Variants in SGCD observed in about 807,000 individuals in gnomAD.
SGCD encodes the protein delta-sarcoglycan.
SGCD carries 18 observed loss-of-function variants against 36.6 expected under a neutral mutation model. The ratio of observed to expected loss-of-function variants is 0.49; its 90% CI spans 0.34 to 0.73. The LOEUF (loss-of-function observed/expected upper bound fraction) is 0.73. Ranked by LOEUF, SGCD falls within the 30% of genes least tolerant of loss-of-function variation. The pLI, the probability that SGCD is intolerant of heterozygous loss-of-function variation, is 0.01. For missense variants in SGCD, 387 were observed against 346.7 expected (o/e 1.12, Z -0.92); for synonymous variants, 133 against 130.6 (o/e 1.02, Z -0.12).
chr5:156,338,762 C>T (rs1768491311), intron 2 of SGCD, among the ~76,000 whole-genome samples: 1 of 152,020 alleles, frequency 6.6e-6, no homozygotes, highest in Non-Finnish European at 1.5e-5. Flanking sequence ...CCTGATGAGG[C>T]TACTGGAGGT....
chr5:156,667,110 G>C (rs958553588), intron 7 of SGCD, among the ~76,000 whole-genome samples: 18 of 152,192 alleles, frequency 1.2e-4, no homozygotes, highest in African/African-American at 4.3e-4. Context: ...CAGATTTTCA[G>C]ATTTGGGGTG....
At chr5:155,978,216 G>A (rs760135317) in intron 1 of SGCD, among the ~76,000 whole-genome samples, 1 of 152,214 alleles carries the variant, frequency 6.6e-6, no homozygotes, top group Non-Finnish European at 1.5e-5. Flanking sequence ...TACTTGTCAA[G>A]ACTATTTGTT....
At chr5:156,693,165 T>A (rs959567624) in intron 7 of SGCD, among the ~76,000 whole-genome samples, 16 of 152,212 alleles carry the variant, frequency 1.1e-4, no homozygotes, top group Admixed American at 3.3e-4. Context: ...TATAACTTTC[T>A]GATGTTCCAT....
At chr5:156,304,169 T>G (rs1201903592) in intron 3 of SGCD, among the ~76,000 whole-genome samples, 2 of 152,216 alleles carry the variant, frequency 1.3e-5, no homozygotes, top group Non-Finnish European at 2.9e-5. Context: ...TCCCTCTGGC[T>G]AATCTAAATG....
the SGCD span, among the ~76,000 whole-genome samples, chr5:155,759,662 A>G: frequency 6.6e-6 from 1 of 152,200 alleles, no homozygotes; most frequent in African/African-American, 2.4e-5. Context: ...GTAAAGAGTA[A>G]TCATGGTGAG....
At chr5:156,172,811 A>C (rs2127622863) in intron 3 of SGCD, among the ~76,000 whole-genome samples, 1 of 151,922 alleles carries the variant, frequency 6.6e-6, no homozygotes, top group South Asian at 2.1e-4. Context: ...ATTTATTATA[A>C]ATTTTAAATG....
chr5:156,045,663 G>A (rs1409842041), intron 1 of SGCD, among the ~76,000 whole-genome samples: 3 of 152,116 alleles, frequency 2.0e-5, no homozygotes, highest in Non-Finnish European at 4.4e-5. Context: ...ACAGTTCTCT[G>A]CCTGGCTTGT....
At chr5:156,011,660 G>C (rs1316695021) in intron 1 of SGCD, among the ~76,000 whole-genome samples, 1 of 152,104 alleles carries the variant, frequency 6.6e-6, no homozygotes, top group South Asian at 2.1e-4. Context: ...GGGTGGTCTG[G>C]AACTCCTGAC....
intron 7 of SGCD, chr5:156,703,930 A>T (rs1201419891): frequency 6.6e-6 from 1 of 151,994 alleles, no homozygotes; most frequent in East Asian, 1.9e-4. Context: ...TTCTTGTTTC[A>T]TTGTCATATA....
the SGCD span, among the ~76,000 whole-genome samples, chr5:155,848,203 T>G: frequency 1.3e-5 from 2 of 152,186 alleles, no homozygotes; most frequent in South Asian, 4.2e-4. Context: ...GTACTATGAT[T>G]GGAAAATAAG....
At chr5:156,445,946 G>A (rs1448532970) in intron 3 of SGCD, among the ~76,000 whole-genome samples, 1 of 152,084 alleles carries the variant, frequency 6.6e-6, no homozygotes, top group Non-Finnish European at 1.5e-5. Flanking sequence ...AACCTGTACT[G>A]TGCTAGTTGC....
chr5:156,039,836 C>T (rs547120433), intron 1 of SGCD, among the ~76,000 whole-genome samples: 3 of 152,104 alleles, frequency 2.0e-5, no homozygotes, highest in Non-Finnish European at 2.9e-5. Flanking sequence ...TCAGTTGGCT[C>T]TTGTCATGAC....
chr5:156,403,550 G>C (rs2127764024), intron 3 of SGCD, among the ~76,000 whole-genome samples: 1 of 152,284 alleles, frequency 6.6e-6, no homozygotes, highest in South Asian at 2.1e-4. Flanking sequence ...ATAGGTGGAG[G>C]AATGTTTGTG....
chr5:155,871,237 A>G (rs1447377072), intron 1 of SGCD, among the ~76,000 whole-genome samples: 1 of 152,164 alleles, frequency 6.6e-6, no homozygotes, highest in African/African-American at 2.4e-5. Context: ...TTTTTGGATC[A>G]AAAGGATTTT....
At chr5:155,930,899 A>G (rs1757085750) in intron 1 of SGCD, among the ~76,000 whole-genome samples, 1 of 152,258 alleles carries the variant, frequency 6.6e-6, no homozygotes, top group African/African-American at 2.4e-5. Flanking sequence ...GGGAATGATC[A>G]CAGTAATCAT....
At chr5:156,723,072 G>A (rs532319886) in intron 7 of SGCD, among the ~76,000 whole-genome samples, 1 of 152,226 alleles carries the variant, frequency 6.6e-6, no homozygotes, top group South Asian at 2.1e-4. Context: ...GCCTAGAGAG[G>A]GTTAAAAGCT....
At chr5:156,091,833 C>T (rs188475699) in intron 1 of SGCD, among the ~76,000 whole-genome samples, 7 of 152,340 alleles carry the variant, frequency 4.6e-5, no homozygotes, top group African/African-American at 1.7e-4. Flanking sequence ...CCAATTGTCC[C>T]AGGCTAAATT....
chr5:156,005,561 C>T (rs1165943202), intron 1 of SGCD, among the ~76,000 whole-genome samples: 2 of 152,102 alleles, frequency 1.3e-5, no homozygotes, highest in African/African-American at 2.4e-5. Flanking sequence ...CGCCATTCTC[C>T]TGCCTCAGCC....
chr5:156,423,754 C>T (rs1177727780), intron 3 of SGCD, among the ~76,000 whole-genome samples: 3 of 151,856 alleles, frequency 2.0e-5, no homozygotes, highest in Non-Finnish European at 4.4e-5. Context: ...CTTCTCCATG[C>T]TTTGTGTATG....
Sources: allele counts gnomAD v4.1 joint callset (sites outside exome capture counted in the v4.1 genomes callset), GRCh38; gene constraint gnomAD v4.1.1; transcripts MANE v1.5; gene names NCBI Gene and HGNC (gene_info 2026-07-23, HGNC 2026-07-21).